The following CYP19A1 variants were observed in gnomAD, a reference collection of about 807,000 sequenced individuals.
CYP19A1 encodes the protein aromatase.
In CYP19A1, 32 loss-of-function variants were observed where a neutral mutation model predicts 44.4. That is an observed-to-expected ratio of 0.72 (90% CI 0.54 to 0.97). The LOEUF is 0.97. Ranked by LOEUF, CYP19A1 falls within the 50% of genes least tolerant of loss-of-function variation. The pLI, the probability that CYP19A1 is intolerant of heterozygous loss-of-function variation, is 0.00. For synonymous variants in CYP19A1, 212 were observed against 215.6 expected, an observed-to-expected ratio of 0.98 and a Z score of 0.14; for missense variants, 598 against 637.8, an observed-to-expected ratio of 0.94 and a Z score of 0.67.
chr15:51,280,325 C>T (rs1317821119), intron 1 of CYP19A1, among the ~76,000 whole-genome samples: 3 of 152,088 alleles, frequency 2.0e-5, no homozygotes, highest in East Asian at 3.9e-4. Context: ...GTCTTGATCT[C>T]CTGACCTCGT....
intron 3 of CYP19A1, among the ~76,000 whole-genome samples, chr15:51,230,997 C>T (rs1209744293): frequency 2.0e-5 from 3 of 152,188 alleles, no homozygotes; most frequent in Non-Finnish European, 2.9e-5. Context: ...CTGTCCTTCA[C>T]TTCTCTAATA....
At chr15:51,281,247 T>C (rs2035507425) in intron 1 of CYP19A1, among the ~76,000 whole-genome samples, 1 of 152,208 alleles carries the variant, frequency 6.6e-6, no homozygotes, top group Admixed American at 6.5e-5. Flanking sequence ...ACCACAACTC[T>C]ATTCTGTTTC....
intron 3 of CYP19A1, among the ~76,000 whole-genome samples, chr15:51,236,212 A>C (rs113929674): frequency 4.4e-4 from 67 of 152,270 alleles, no homozygotes; most frequent in African/African-American, 1.6e-3. Context: ...CAGCATGTGA[A>C]TTACTTCTTT....
chr15:51,294,321 C>T (rs1209765530), intron 1 of CYP19A1, among the ~76,000 whole-genome samples: 4 of 147,020 alleles, frequency 2.7e-5, no homozygotes, highest in South Asian at 4.4e-4. Context: ...GCCTCTGCCC[C>T]GCCGCCCCGT....
intron 1 of CYP19A1, among the ~76,000 whole-genome samples, chr15:51,258,699 G>T (rs1326043608): frequency 6.6e-6 from 1 of 152,132 alleles, no homozygotes; most frequent in African/African-American, 2.4e-5. Flanking sequence ...CCAGTCTCTG[G>T]AAGAACTAAC....
At chr15:51,211,463 C>T (rs1308502057) in intron 9 of CYP19A1, among the ~76,000 whole-genome samples, 1 of 152,166 alleles carries the variant, frequency 6.6e-6, no homozygotes, top group Non-Finnish European at 1.5e-5. Context: ...GATTCCTGGC[C>T]TATTCAGTGC....
chr15:51,217,304 G>A (rs187217235), intron 6 of CYP19A1, among the ~76,000 whole-genome samples: 1 of 152,314 alleles, frequency 6.6e-6, no homozygotes, highest in Admixed American at 6.5e-5. Flanking sequence ...ATAAATTTCT[G>A]TGGGTCCAAT....
intron 4 of CYP19A1, among the ~76,000 whole-genome samples, chr15:51,225,439 C>T (rs1304977219): frequency 1.3e-5 from 2 of 152,130 alleles, no homozygotes; most frequent in African/African-American, 4.8e-5. Context: ...TTCACAACAG[C>T]CCTAGAGTGC....
intron 1 of CYP19A1, among the ~76,000 whole-genome samples, chr15:51,246,203 C>A (rs974601560): frequency 6.6e-6 from 1 of 151,838 alleles, no homozygotes; most frequent in South Asian, 2.1e-4. Context: ...ATAGGAAGGT[C>A]CTAGAACTTG....
At chr15:51,307,407 ATCT>A (rs1404624607) in intron 1 of CYP19A1, among the ~76,000 whole-genome samples, 15 of 152,178 alleles carry the variant, frequency 9.9e-5, no homozygotes, top group African/African-American at 2.2e-4. Context: ...GTCTCAGGTA[ATCT>A]TCTTTCTCTT....
intron 1 of CYP19A1, among the ~76,000 whole-genome samples, chr15:51,314,725 A>G (rs1280402676): frequency 1.3e-5 from 2 of 152,182 alleles, no homozygotes; most frequent in Non-Finnish European, 2.9e-5. Flanking sequence ...AAGTCCTTCA[A>G]AATCTCTCTA....
chr15:51,334,934 C>T (rs76388377), intron 1 of CYP19A1, among the ~76,000 whole-genome samples: 5,314 of 152,264 alleles, frequency 0.035, 283 homozygotes, highest in African/African-American at 0.12. Context: ...TGGCCTGACA[C>T]AGGACACTCT....
chr15:51,218,678 T>C (rs1415437144), intron 5 of CYP19A1, 23 bp from the exon 6 acceptor site: 2 of 1,600,590 alleles, frequency 1.2e-6, no homozygotes, highest in South Asian at 2.2e-5. Context: ...AAAACACACA[T>C]ACACAAGAAA....
intron 1 of CYP19A1, among the ~76,000 whole-genome samples, chr15:51,246,337 T>A (rs2034053942): frequency 6.6e-6 from 1 of 152,152 alleles, no homozygotes; most frequent in Non-Finnish European, 1.5e-5. Context: ...TGCCTGGGTC[T>A]CCACTGCCCT....
At chr15:51,259,685 C>T (rs936459503) in intron 1 of CYP19A1, among the ~76,000 whole-genome samples, 2 of 152,082 alleles carry the variant, frequency 1.3e-5, no homozygotes, top group African/African-American at 4.8e-5. Context: ...ACAATGAGTC[C>T]AAAGAAGGTG....
intron 1 of CYP19A1, among the ~76,000 whole-genome samples, chr15:51,332,379 T>C (rs938574696): frequency 6.6e-6 from 1 of 152,240 alleles, no homozygotes; most frequent in African/African-American, 2.4e-5. Flanking sequence ...GTGAGACCTG[T>C]GGAAACTTCA....
chr15:51,300,645 G>A (rs1239681377), intron 1 of CYP19A1, among the ~76,000 whole-genome samples: 2 of 152,206 alleles, frequency 1.3e-5, no homozygotes, highest in Admixed American at 1.3e-4. Flanking sequence ...CAGCATGTGA[G>A]CAGTACCAGC....
intron 1 of CYP19A1, among the ~76,000 whole-genome samples, chr15:51,315,681 G>A (rs188062645): frequency 6.6e-6 from 1 of 152,354 alleles, no homozygotes. Flanking sequence ...CAAGGGCAGT[G>A]ACTATTCCTC....
At chr15:51,281,626 G>A (rs1030520468) in intron 1 of CYP19A1, among the ~76,000 whole-genome samples, 1 of 152,212 alleles carries the variant, frequency 6.6e-6, no homozygotes, top group African/African-American at 2.4e-5. Context: ...TGAGGGGCAG[G>A]AGAGTTGGCC....
Sources: allele counts gnomAD v4.1 joint callset (sites outside exome capture counted in the v4.1 genomes callset), GRCh38; gene constraint gnomAD v4.1.1; transcripts MANE v1.5; gene names NCBI Gene and HGNC (gene_info 2026-07-23, HGNC 2026-07-21).